The following PAPOLB variants were observed in gnomAD, a reference collection of about 807,000 sequenced individuals.
PAPOLB encodes PAP-beta.
Under a neutral mutation model 23.2 loss-of-function variants are expected in PAPOLB, and 19 were observed. The ratio of observed to expected loss-of-function variants is 0.82; its 90% CI spans 0.57 to 1.20. The LOEUF (loss-of-function observed/expected upper bound fraction) is 1.20, where lower values mean the gene tolerates loss of function less well. Among genes scored for constraint, PAPOLB ranks in the 50% most tolerant of loss-of-function variants. The pLI, the probability that PAPOLB is intolerant of heterozygous loss-of-function variation, is 0.00. For synonymous variants in PAPOLB, 360 were observed against 290.7 expected (o/e 1.24, Z -2.43); for missense variants, 822 against 776.8 (o/e 1.06, Z -0.69).
Position 4,860,833 on chromosome 7 carries a change from G to A in PAPOLB, c.978C>T (p.Ser326=), listed in dbSNP as rs373161576. 1.2e-4 allele frequency: 197 copies of A among 1,614,016 alleles called. No homozygotes were observed. The highest frequency in any genetic ancestry group is 1.6e-4 in the Non-Finnish European group (193 of 1,180,038). ...IITPAYPQQN[S]TYNVSISTRM... ...TGGTTGAAATAGACACGTTGTATGT[G>A]GAGTTCTGCTGTGGGTATGCTGGTG... The change falls in exon 1 of 1, where the codon TCC becomes TCT. Residue 326 remains serine (S), a synonymous_variant. Coordinates refer to ENST00000404991, the MANE Select transcript of PAPOLB (RefSeq NM_020144.5).
chr7:4,861,498 TG>T lies in PAPOLB; in HGVS notation c.312del (p.Tyr104Ter). On this transcript the variant is annotated frameshift_variant, in exon 1 of 1. Transcript: ENST00000404991. LOFTEE classifies it high-confidence loss of function. Reference protein sequence around the residue: ...VGGKIFTFGSYRLGVHTKGAD... With the variant: ...VGGKIFTFGSXRLGVHTKGAD... ...GCGCCTTTCGTATGTACTCCTAATC[TG>T]TAAGAGCCAAACGTAAAAATCTTTC... The T allele has an allele frequency of 6.2e-7, 1 of 1,614,094 alleles. No individual in the cohort carries two copies. The highest frequency in any genetic ancestry group is 1.7e-5 in the Admixed American group (1 of 60,018).
Position 4,861,439 on chromosome 7 carries a change from A to G in PAPOLB, c.372T>C (p.His124=), listed in dbSNP as rs751076694. 1.2e-6 allele frequency: 2 copies of G among 1,614,030 alleles called. No individual in the cohort carries two copies. The highest frequency in any genetic ancestry group is 2.2e-5 in the East Asian group (1 of 44,884). Residue 124 remains histidine (H), a synonymous_variant, in exon 1 of 1, where the codon CAT becomes CAC. Coordinates refer to ENST00000404991, the MANE Select transcript of PAPOLB (RefSeq NM_020144.5). ...DIDALCVAPS[H]VDRSDFFTSF... ...AGGTGAAAAAGTCGCTTCGATCCACATGACTTGGTGCAACGCACAAGGCGT... is the reference window on the plus strand; with the variant it reads ...AGGTGAAAAAGTCGCTTCGATCCACGTGACTTGGTGCAACGCACAAGGCGT...
In PAPOLB at chr7:4,860,404, A is replaced by G. The variant is rs755742760; in HGVS notation, c.1407T>C (p.Tyr469=). 3 of 1,613,880 alleles carry G rather than the reference A, an allele frequency of 1.9e-6. No homozygotes were observed. Among genetic ancestry groups the G allele is most frequent in the Non-Finnish European group, 2.5e-6 (3 of 1,179,722 alleles). The part of the protein sequence containing the change: ...YDIQSFTDTV[Y]RQAVNSKMFE... ...ACATCTTACTATTCACTGCTTGCCT[A>G]TAAACAGTATCTGTGAAAGACTGGA... Residue 469 remains tyrosine, a synonymous_variant, in exon 1 of 1, where the codon TAT becomes TAC. Transcript: ENST00000404991.
chr7:4,861,847 C>A lies in PAPOLB; in HGVS notation c.-37G>T, dbSNP rs1429124970. The A allele has an allele frequency of 1.4e-6, 2 of 1,396,046 alleles. No individual in the cohort carries two copies. The highest frequency in any genetic ancestry group is 1.9e-6 in the Non-Finnish European group (2 of 1,068,622). 86.5% of individuals were successfully genotyped at this position (1,396,046 alleles called of 1,614,324 possible). A position where few individuals can be genotyped will look rare whatever the true frequency, so the allele number is the denominator to read the frequency against. On this transcript the variant is annotated 5_prime_UTR_variant, in exon 1 of 1. Transcript: ENST00000404991. ...CGCCCCGCCAGGGCACGTCCCCCACCACCGCGACCTTCGCGGCCGCCGCCC... is the reference window on the plus strand; with the variant it reads ...CGCCCCGCCAGGGCACGTCCCCCACAACCGCGACCTTCGCGGCCGCCGCCC...
chr7:4,862,010 A>G lies in PAPOLB; in HGVS notation c.-200T>C. 1 of 432,746 alleles carries G rather than the reference A, an allele frequency of 2.3e-6. No individual in the cohort carries two copies. 26.8% of individuals were successfully genotyped at this position (432,746 alleles called of 1,614,324 possible). A position where few individuals can be genotyped will look rare whatever the true frequency, so the allele number is the denominator to read the frequency against. ...GCCCCAACATGGCGCCAGACCCCTCAGCGGCTGCGTTCCAGAACCTACCGT... is the reference window on the plus strand; with the variant it reads ...GCCCCAACATGGCGCCAGACCCCTCGGCGGCTGCGTTCCAGAACCTACCGT... On this transcript the variant is annotated 5_prime_UTR_variant, in exon 1 of 1. Coordinates refer to ENST00000404991, the MANE Select transcript of PAPOLB (RefSeq NM_020144.5).
rs755130912 is a variant in PAPOLB, at chr7:4,861,796, C to T, written c.15G>A (p.Pro5=). Residue 5 remains proline, a synonymous_variant, in exon 1 of 1, where the codon CCG becomes CCA. Coordinates refer to ENST00000404991, the MANE Select transcript of PAPOLB (RefSeq NM_020144.5). MMPF[P]VTTQGPPQPA... ...GCTGCGGTGGTCCCTGGGTTGTCAC[C>T]GGAAACGGCATCATCTTTCAGCGCC... is the stretch of plus-strand genomic sequence containing the variant. 8 of 1,462,492 alleles carry T rather than the reference C, an allele frequency of 5.5e-6. No individual in the cohort carries two copies. The highest frequency in any genetic ancestry group is 3.1e-5 in the South Asian group (2 of 65,206). 90.6% of individuals were successfully genotyped at this position (1,462,492 alleles called of 1,614,324 possible).
At position 4,862,013 on chromosome 7, in the gene PAPOLB, G is replaced by C; in HGVS notation, c.-203C>G. The C allele has an allele frequency of 2.3e-6, 1 of 431,856 alleles. No homozygotes were observed. Among genetic ancestry groups the C allele is most frequent in the Non-Finnish European group, 4.1e-6 (1 of 243,558 alleles). The allele number at this position is 431,856 out of a possible 1,614,324, so 26.8% of individuals were successfully genotyped here. A position where few individuals can be genotyped will look rare whatever the true frequency, so the allele number is the denominator to read the frequency against. ...CCAACATGGCGCCAGACCCCTCAGC[G>C]GCTGCGTTCCAGAACCTACCGTACA... On this transcript the variant is annotated 5_prime_UTR_variant, in exon 1 of 1. Transcript: ENST00000404991.
In PAPOLB at chr7:4,860,272, ACCTT is replaced by A. The variant is rs765585531; in HGVS notation, c.1535_1538del (p.Glu512ValfsTer4). ...TGTCGTTCAAATCTGTCAATCTTCT[ACCTT>A]CTGTTGAGTGTGCTTTCTTGTCCTG... On this transcript the variant is annotated frameshift_variant, in exon 1 of 1. Transcript: ENST00000404991. 5.0e-6 allele frequency: 8 copies of A among 1,613,964 alleles called. No homozygotes were observed. Among genetic ancestry groups the A allele is most frequent in the Non-Finnish European group, 6.8e-6 (8 of 1,179,866 alleles).
At position 4,857,993 on chromosome 7, in the gene PAPOLB, C is replaced by T. The variant is rs1783875175; in HGVS notation, c.*1904G>A. The stretch of plus-strand genomic sequence containing the variant: ...ACTAATTTTTTTCCCAATGTGTAAA[C>T]AAAATGACCAGACTAAATTTGTGCC... On this transcript the variant is annotated 3_prime_UTR_variant, in exon 1 of 1. Transcript: ENST00000404991. The T allele has an allele frequency of 6.6e-6, 1 of 152,524 alleles. No individual in the cohort carries two copies. The highest frequency in any genetic ancestry group is 2.1e-4 in the South Asian group (1 of 4,824). 9.4% of individuals were successfully genotyped at this position (152,524 alleles called of 1,614,324 possible).
At position 4,860,811 on chromosome 7, in the gene PAPOLB, T is replaced by C. The variant is rs764719157; in HGVS notation, c.1000A>G (p.Thr334Ala). 4 of 1,614,148 alleles carry C rather than the reference T, an allele frequency of 2.5e-6. No individual in the cohort carries two copies. The East Asian group carries it at 8.9e-5, about 36-fold the overall frequency. ...QNSTYNVSIS[T>A]RMVMIEEFKQ... The stretch of plus-strand genomic sequence containing the variant: ...AACTCCTCAATCATGACCATCCTGG[T>C]TGAAATAGACACGTTGTATGTGGAG... The change falls in exon 1 of 1, where the codon ACC becomes GCC. Residue 334 changes from threonine (T) to alanine (A), a missense_variant. Transcript: ENST00000404991.
In PAPOLB at chr7:4,859,776, A is replaced by G. The variant is rs958690206; in HGVS notation, c.*121T>C. 19 of 638,776 alleles carry G rather than the reference A, an allele frequency of 3.0e-5. No homozygotes were observed. In the African/African-American group the frequency reaches 3.5e-4, roughly 12 times the overall value. The allele number at this position is 638,776 out of a possible 1,614,324, so 39.6% of individuals were successfully genotyped here. On this transcript the variant is annotated 3_prime_UTR_variant, in exon 1 of 1. Coordinates refer to ENST00000404991, the MANE Select transcript of PAPOLB (RefSeq NM_020144.5). ...ATGTTCCCTGAGAGGCCAATAGAGA[A>G]GATGCTGTCTGAATTTTTCTAATGG...
Position 4,858,924 on chromosome 7 carries a change from A to G in PAPOLB, c.*973T>C, listed in dbSNP as rs1783902659. 2 of 152,218 alleles carry G rather than the reference A, an allele frequency of 1.3e-5. No individual in the cohort carries two copies. The highest frequency in any genetic ancestry group is 4.8e-5 in the African/African-American group (2 of 41,446). The allele number at this position is 152,218 out of a possible 1,614,324, so 9.4% of individuals were successfully genotyped here. ...CAAAAAGCTTTTTTGTTTTAGGACT[A>G]ATGATTGAGGACAAGAGAATATGGA... On this transcript the variant is annotated 3_prime_UTR_variant, in exon 1 of 1. Transcript: ENST00000404991.
In PAPOLB at chr7:4,858,264, G is replaced by C. The variant is rs1196481855; in HGVS notation, c.*1633C>G. On this transcript the variant is annotated 3_prime_UTR_variant, in exon 1 of 1. Transcript: ENST00000404991. ...ATTGCAGTTTAACATGAAAAGTGCAGAGTTAGAGGAGGGACGGGAGGGGTT... is the reference window on the plus strand; with the variant it reads ...ATTGCAGTTTAACATGAAAAGTGCACAGTTAGAGGAGGGACGGGAGGGGTT... 1 of 152,180 alleles carries C rather than the reference G, an allele frequency of 6.6e-6. No individual in the cohort carries two copies. Among genetic ancestry groups the C allele is most frequent in the Non-Finnish European group, 1.5e-5 (1 of 68,032 alleles). The allele number at this position is 152,180 out of a possible 1,614,324, so 9.4% of individuals were successfully genotyped here. A position where few individuals can be genotyped will look rare whatever the true frequency, so the allele number is the denominator to read the frequency against.
At position 4,858,431 on chromosome 7, in the gene PAPOLB, A is replaced by C. The variant is rs1175604516; in HGVS notation, c.*1466T>G. 6.6e-6 allele frequency: 1 copy of C among 152,508 alleles called. No homozygotes were observed. The highest frequency in any genetic ancestry group is 1.5e-5 in the Non-Finnish European group (1 of 68,022). The allele number at this position is 152,508 out of a possible 1,614,324, so 9.4% of individuals were successfully genotyped here. On this transcript the variant is annotated 3_prime_UTR_variant, in exon 1 of 1. Coordinates refer to ENST00000404991, the MANE Select transcript of PAPOLB (RefSeq NM_020144.5). ...TTAATTATGAGATTTTTTTTAACTT[A>C]AAGTATTGCTGATCTTTTGTAGACT...
rs375222784 is a variant in PAPOLB at position 4,861,049 on chromosome 7, T to C, written c.762A>G (p.Val254=). 1.9e-6 allele frequency: 3 copies of C among 1,614,220 alleles called. No homozygotes were observed. The highest frequency in any genetic ancestry group is 2.5e-6 in the Non-Finnish European group (3 of 1,180,022). ...FLGGVSWAML[V]ARTCQLYPNA... ...TTGGATAAAGCTGACAAGTTCTTGC[T>C]ACTAGCATGGCCCAGGAAACACCTC... Residue 254 remains valine, a synonymous_variant, in exon 1 of 1, where the codon GTA becomes GTG. Transcript: ENST00000404991.
rs748550036 is a variant in PAPOLB at position 4,861,674 on chromosome 7, G to A, written c.137C>T (p.Thr46Ile). 4 of 1,598,988 alleles carry A rather than the reference G, an allele frequency of 2.5e-6. No individual in the cohort carries two copies. In the East Asian group the frequency reaches 8.9e-5, roughly 36 times the overall value. ...TTCGAAGACCCCGAAGGGCCTGAGG[G>A]TTTCTATTAGCCTCTGGGTGAGGAG... is the stretch of plus-strand genomic sequence containing the variant. Reference protein sequence around the residue: ...DCLLTQRLIETLRPFGVFEEE... With the variant: ...DCLLTQRLIEILRPFGVFEEE... Residue 46 changes from threonine (T) to isoleucine (I), a missense_variant, in exon 1 of 1, where the codon ACC (threonine) becomes ATC (isoleucine). Thr to Ile is a moderately conservative substitution (Grantham distance 89, BLOSUM62 -1). This residue lies in a region of PAPOLB where 276 missense variants were observed against 243.9 expected (regional missense o/e 1.13). Transcript: ENST00000404991.
At position 4,857,852 on chromosome 7, in the gene PAPOLB, C is replaced by G. The variant is rs1350851454; in HGVS notation, c.*2045G>C. 6.6e-6 allele frequency: 1 copy of G among 152,564 alleles called. No individual in the cohort carries two copies. Among genetic ancestry groups the G allele is most frequent in the African/African-American group, 2.4e-5 (1 of 41,428 alleles). The allele number at this position is 152,564 out of a possible 1,614,324, so 9.5% of individuals were successfully genotyped here. ...ACCATAAAACAAAGCAAACTCCACT[C>G]ACTAGGTACATCACATGAAAAAATG... On this transcript the variant is annotated 3_prime_UTR_variant, in exon 1 of 1. Transcript: ENST00000404991.
In PAPOLB at chr7:4,857,902, T is replaced by C. The variant is rs35559543; in HGVS notation, c.*1995A>G. 40,120 of 152,388 alleles carry C rather than the reference T, an allele frequency of 0.26. 5,473 individuals are homozygous for C. The highest frequency in any genetic ancestry group is 0.37 in the South Asian group (1,788 of 4,808). The allele number at this position is 152,388 out of a possible 1,614,324, so 9.4% of individuals were successfully genotyped here. A position where few individuals can be genotyped will look rare whatever the true frequency, so the allele number is the denominator to read the frequency against. On this transcript the variant is annotated 3_prime_UTR_variant, in exon 1 of 1. Transcript: ENST00000404991. Reference sequence around the variant, plus strand: ...GGTCTGACATTCAGGTAATAAAAATTAGAAATAAAAAGTCCCAAGGTTCCA... The same window carrying C: ...GGTCTGACATTCAGGTAATAAAAATCAGAAATAAAAAGTCCCAAGGTTCCA...
rs569611672 is a variant in PAPOLB, at chr7:4,859,290, A to T, written c.*607T>A. ...TTAGTTCTACTTTCTAATAAAAAAT[A>T]TAAAGTGCCTCATCAGTATAAGGAA... is the stretch of plus-strand genomic sequence containing the variant. On this transcript the variant is annotated 3_prime_UTR_variant, in exon 1 of 1. Transcript: ENST00000404991. The T allele has an allele frequency of 3.3e-5, 5 of 152,778 alleles. No individual in the cohort carries two copies. The highest frequency in any genetic ancestry group is 7.3e-5 in the Non-Finnish European group (5 of 68,036). 9.5% of individuals were successfully genotyped at this position (152,778 alleles called of 1,614,324 possible).
Sources: allele counts gnomAD v4.1 joint callset, GRCh38; gene constraint gnomAD v4.1.1; regional missense constraint gnomAD v4.1.1; transcripts MANE v1.5; gene names NCBI Gene and HGNC (gene_info 2026-07-23, HGNC 2026-07-21).